NHSL1: variants seen among roughly 807,000 people sequenced by gnomAD.
NHSL1 encodes the protein NHS like 1, also known as NHS-like protein 1.
Under a neutral mutation model 95.0 loss-of-function variants are expected in NHSL1, and 48 were observed. That is an observed-to-expected ratio of 0.51 (90% confidence interval 0.40 to 0.64). NHSL1 has a LOEUF of 0.64. Ranked by LOEUF, NHSL1 falls within the 30% of genes least tolerant of loss-of-function variation. The pLI is 0.00. For missense variants in NHSL1, 1,971 were observed against 2,077.7 expected, an observed-to-expected ratio of 0.95 and a Z score of 1.00; for synonymous variants, 783 against 833.9, an observed-to-expected ratio of 0.94 and a Z score of 1.05.
At chr6:138,608,526 CATT>C (rs1303513382) in intron 1 of NHSL1, among the ~76,000 whole-genome samples, 5 of 152,262 alleles carry the variant, frequency 3.3e-5, no homozygotes, top group African/African-American at 9.6e-5. Context: ...AAATAGGCAT[CATT>C]ATAATACAGT....
At chr6:138,442,496 G>A (rs1776595522) in intron 4 of NHSL1, among the ~76,000 whole-genome samples, 1 of 152,164 alleles carries the variant, frequency 6.6e-6, no homozygotes, top group South Asian at 2.1e-4. Flanking sequence ...TAATGAGTAT[G>A]TTTCATTCAT....
chr6:138,655,824 C>T (rs1785149293), intron 1 of NHSL1, among the ~76,000 whole-genome samples: 1 of 152,160 alleles, frequency 6.6e-6, no homozygotes, highest in African/African-American at 2.4e-5. Context: ...ATCCAGTACC[C>T]ATTGCCCTCT....
At chr6:138,539,749 C>T (rs545763265) in intron 1 of NHSL1, among the ~76,000 whole-genome samples, 1 of 152,260 alleles carries the variant, frequency 6.6e-6, no homozygotes, top group Non-Finnish European at 1.5e-5. Flanking sequence ...AGCATGAATC[C>T]TTGCACAGAG....
upstream of NHSL1, among the ~76,000 whole-genome samples, chr6:138,500,789 C>T (rs1780633507): frequency 6.6e-6 from 1 of 151,730 alleles, no homozygotes; most frequent in South Asian, 2.1e-4. Flanking sequence ...CTTTTTATGC[C>T]CTTTATTTTT....
intron 2 of NHSL1, among the ~76,000 whole-genome samples, chr6:138,490,119 G>GT (rs1779987693): frequency 6.6e-6 from 1 of 152,042 alleles, no homozygotes; most frequent in Non-Finnish European, 1.5e-5. Context: ...AGCCATACAT[G>GT]TTTTATGTAC....
intron 1 of NHSL1, among the ~76,000 whole-genome samples, chr6:138,521,006 T>C (rs1005894540): frequency 6.6e-6 from 1 of 152,202 alleles, no homozygotes; most frequent in Non-Finnish European, 1.5e-5. Flanking sequence ...GGGGCCCTCA[T>C]ACAGGTATGC....
chr6:138,643,672 G>A (rs1784984004), intron 1 of NHSL1, among the ~76,000 whole-genome samples: 1 of 152,064 alleles, frequency 6.6e-6, no homozygotes, highest in Non-Finnish European at 1.5e-5. Flanking sequence ...ATATAATTAG[G>A]TACTATTTTA....
chr6:138,554,274 T>A (rs182204448), intron 1 of NHSL1, among the ~76,000 whole-genome samples: 1 of 152,364 alleles, frequency 6.6e-6, no homozygotes, highest in African/African-American at 2.4e-5. Context: ...TGCTCCCTGA[T>A]AAACTGACTT....
rs1490767016 is a variant in NHSL1 at position 138,437,436 on chromosome 6, ACACAC to A, written c.665-3761_665-3757del. On this transcript the variant is annotated intron_variant, in intron 5 of 7. Transcript: ENST00000343505. The stretch of plus-strand genomic sequence containing the variant: ...TATACACACACACACACACACACAC[ACACAC>A]ACACAAAAAAAAAAAAAAAAAATAC... 6.6e-3 allele frequency among the ~76,000 whole-genome samples: 252 copies of A among 38,146 alleles called. 22 individuals are homozygous for A. Among genetic ancestry groups the A allele is most frequent in the Non-Finnish European group, 9.2e-3 (175 of 19,094 alleles). 25.0% of individuals were successfully genotyped at this position (38,146 alleles called of 152,430 possible).
In NHSL1 at chr6:138,422,055, T is replaced by C. The variant is rs568781708; in HGVS notation, c.*2026A>G. 195 of 152,350 alleles carry C rather than the reference T, an allele frequency of 1.3e-3. No homozygotes were observed. Among genetic ancestry groups the C allele is most frequent in the African/African-American group, 4.4e-3 (182 of 41,594 alleles). The allele number at this position is 152,350 out of a possible 1,614,324, so 9.4% of individuals were successfully genotyped here. A position where few individuals can be genotyped will look rare whatever the true frequency, so the allele number is the denominator to read the frequency against. On this transcript the variant is annotated 3_prime_UTR_variant, in exon 8 of 8. Transcript: ENST00000343505. Reference sequence around the variant, plus strand: ...AATATTTCAAATATTTACTTTACAATTGTTTTATTCAAAGGAAATTAAATA... The same window carrying C: ...AATATTTCAAATATTTACTTTACAACTGTTTTATTCAAAGGAAATTAAATA...
chr6:138,673,219 T>C (rs956524800), intron 1 of NHSL1, among the ~76,000 whole-genome samples: 4 of 151,860 alleles, frequency 2.6e-5, no homozygotes, highest in Non-Finnish European at 5.9e-5. Flanking sequence ...TCATGCTAAA[T>C]ACTCACTTTT....
At chr6:138,569,744 G>GT (rs1287029840) in intron 1 of NHSL1, among the ~76,000 whole-genome samples, 1 of 152,182 alleles carries the variant, frequency 6.6e-6, no homozygotes, top group East Asian at 1.9e-4. Context: ...AGATGTCAAA[G>GT]TTGGAAGCCA....
At chr6:138,532,172 G>A (rs188501678) in intron 1 of NHSL1, among the ~76,000 whole-genome samples, 39 of 152,204 alleles carry the variant, frequency 2.6e-4, no homozygotes, top group Non-Finnish European at 4.1e-4. Context: ...GTCCTGGCAC[G>A]TGCCAAGGAA....
At chr6:138,425,672 CTTCCTT>C (rs1220566852) in intron 7 of NHSL1, among the ~76,000 whole-genome samples, 7 of 152,268 alleles carry the variant, frequency 4.6e-5, no homozygotes, top group African/African-American at 1.4e-4. Flanking sequence ...TCTTTCTATG[CTTCCTT>C]TTCTTGTTCC....
At chr6:138,537,722 T>A (rs1782415991) in intron 1 of NHSL1, among the ~76,000 whole-genome samples, 1 of 152,218 alleles carries the variant, frequency 6.6e-6, no homozygotes, top group African/African-American at 2.4e-5. Context: ...AAACCTGTGT[T>A]AATTATTTTT....
At chr6:138,580,765 G>C (rs556510825) in intron 1 of NHSL1, among the ~76,000 whole-genome samples, 1 of 152,308 alleles carries the variant, frequency 6.6e-6, no homozygotes, top group Admixed American at 6.5e-5. Flanking sequence ...TATTAGCATG[G>C]GTGGAGGGAG....
At chr6:138,555,218 TTCTC>T (rs1783153238) in intron 1 of NHSL1, among the ~76,000 whole-genome samples, 1 of 152,212 alleles carries the variant, frequency 6.6e-6, no homozygotes, top group Non-Finnish European at 1.5e-5. Flanking sequence ...ACCTCTCTCT[TTCTC>T]TTTCTCTCTA....
chr6:138,674,144 A>C (rs1356407992), intron 1 of NHSL1, among the ~76,000 whole-genome samples: 1 of 152,150 alleles, frequency 6.6e-6, no homozygotes, highest in Non-Finnish European at 1.5e-5. Context: ...AAAAAGCAAC[A>C]AATTTTTTTT....
intron 1 of NHSL1, chr6:138,650,731 T>A: frequency 1.8e-6 from 1 of 546,626 alleles, no homozygotes; most frequent in South Asian, 1.4e-5. Flanking sequence ...TGCATCATTA[T>A]CCCATAGGAG....
Sources: gnomAD v4.1 joint callset for allele counts (sites outside exome capture counted in the v4.1 genomes callset) on GRCh38, gnomAD v4.1.1 for gene constraint, MANE v1.5 for transcripts, NCBI Gene and HGNC (gene_info 2026-07-23, HGNC 2026-07-21) for gene names.